The following ZFHX3 variants were observed in gnomAD, a reference collection of about 807,000 sequenced individuals.
ZFHX3 encodes zinc finger homeobox protein 3.
Under a neutral mutation model 279.1 loss-of-function variants are expected in ZFHX3, and 42 were observed. The observed-to-expected ratio is 0.15, with a 90% CI of 0.12 to 0.19. The LOEUF (loss-of-function observed/expected upper bound fraction) is 0.19. Ranked by LOEUF, ZFHX3 falls within the 10% of genes least tolerant of loss-of-function variation. The pLI is 1.00. For synonymous variants in ZFHX3, 2,293 were observed against 1,957.8 expected (o/e 1.17, Z -4.52); for missense variants, 4,981 against 4,754.0 (o/e 1.05, Z -1.40).
chr16:73,717,905 A>C (rs1294380840), intron 1 of ZFHX3, among the ~76,000 whole-genome samples: 1 of 152,216 alleles, frequency 6.6e-6, no homozygotes, highest in Non-Finnish European at 1.5e-5. Flanking sequence ...GCTCTGGTGT[A>C]AAGAGCACAA....
chr16:73,114,764 G>C (rs1417120366), intron 7 of ZFHX3, among the ~76,000 whole-genome samples: 1 of 152,142 alleles, frequency 6.6e-6, no homozygotes, highest in Non-Finnish European at 1.5e-5. Flanking sequence ...CTTGTGAATG[G>C]CCAGCCTGTC....
At chr16:73,882,263 T>C (rs993068978) in intron 1 of ZFHX3, among the ~76,000 whole-genome samples, 2 of 152,066 alleles carry the variant, frequency 1.3e-5, no homozygotes, top group Non-Finnish European at 2.9e-5. Flanking sequence ...CTGAGGTTTA[T>C]TGCTTGGTAA....
chr16:73,571,418 T>A (rs9923212), intron 2 of ZFHX3, among the ~76,000 whole-genome samples: 11,126 of 152,234 alleles, frequency 0.073, 543 homozygotes, highest in African/African-American at 0.13. Context: ...TATTTTTAAA[T>A]CCTCTAAAAA....
chr16:73,741,596 C>A (rs1177680916), intron 1 of ZFHX3, among the ~76,000 whole-genome samples: 1 of 152,216 alleles, frequency 6.6e-6, no homozygotes, highest in Non-Finnish European at 1.5e-5. Flanking sequence ...TCTCTTTCAA[C>A]AGCCTTGGAC....
chr16:73,838,637 C>A (rs1961208646), intron 1 of ZFHX3, among the ~76,000 whole-genome samples: 1 of 152,002 alleles, frequency 6.6e-6, no homozygotes, highest in African/African-American at 2.4e-5. Context: ...CTTTTTCAAC[C>A]CCATTGAAAA....
intron 2 of ZFHX3, among the ~76,000 whole-genome samples, chr16:73,548,995 A>T (rs964676702): frequency 2.0e-5 from 3 of 152,156 alleles, no homozygotes; most frequent in African/African-American, 4.8e-5. Flanking sequence ...TTTTTCTTTT[A>T]AAAAAATGTA....
intron 3 of ZFHX3, among the ~76,000 whole-genome samples, chr16:72,900,209 G>A (rs1294516883): frequency 6.6e-6 from 1 of 151,208 alleles, no homozygotes; most frequent in Admixed American, 6.6e-5. Flanking sequence ...GTAATAAAAT[G>A]CAAGGACCAC....
In ZFHX3 at chr16:73,340,605, G is replaced by C. The variant is rs571095757; in HGVS notation, c.-1290-22269C>G. ...TGCCTAGGCTGGCCTTGAACTCCTG[G>C]GCACAAGTAACACTCTCACTTCGGC... On this transcript the variant is annotated intron_variant, in intron 3 of 17. Coordinates refer to the ZFHX3 transcript ENST00000641206. 1.9e-4 allele frequency among the ~76,000 whole-genome samples: 29 copies of C among 152,248 alleles called. No individual in the cohort carries two copies. In the South Asian group the frequency reaches 6.0e-3, roughly 32 times the overall value.
chr16:72,998,613 G>A (rs1355965662), intron 1 of ZFHX3, among the ~76,000 whole-genome samples: 4 of 152,168 alleles, frequency 2.6e-5, no homozygotes, highest in Non-Finnish European at 4.4e-5. Context: ...CACATTTCGG[G>A]TGCTTAGGGG....
intron 1 of ZFHX3, among the ~76,000 whole-genome samples, chr16:73,732,303 CA>C (rs1421588402): frequency 6.6e-6 from 1 of 152,186 alleles, no homozygotes; most frequent in African/African-American, 2.4e-5. Flanking sequence ...AAGGTTTCAC[CA>C]AAGGCCTAAT....
At chr16:73,261,823 G>A (rs1733658844) in intron 4 of ZFHX3, among the ~76,000 whole-genome samples, 4 of 151,980 alleles carry the variant, frequency 2.6e-5, no homozygotes, top group Non-Finnish European at 5.9e-5. Context: ...TTACAGGGAT[G>A]CACCACCACG....
At chr16:73,517,001 G>A (rs1456520029) in intron 2 of ZFHX3, among the ~76,000 whole-genome samples, 1 of 152,162 alleles carries the variant, frequency 6.6e-6, no homozygotes, top group Non-Finnish European at 1.5e-5. Flanking sequence ...TCAACACCGT[G>A]CACATTTAGG....
intron 1 of ZFHX3, among the ~76,000 whole-genome samples, chr16:73,778,336 T>A (rs963696234): frequency 7.2e-5 from 11 of 151,928 alleles, no homozygotes; most frequent in Non-Finnish European, 8.8e-5. Flanking sequence ...GGGCATTTAT[T>A]CATTTGATCA....
chr16:73,309,125 A>T (rs1412058278), intron 4 of ZFHX3, among the ~76,000 whole-genome samples: 1 of 152,102 alleles, frequency 6.6e-6, no homozygotes, highest in African/African-American at 2.4e-5. Context: ...CAGGTTTGTT[A>T]TATGGTAAAC....
intron 1 of ZFHX3, among the ~76,000 whole-genome samples, chr16:72,977,509 A>G (rs948041303): frequency 3.9e-5 from 6 of 152,076 alleles, no homozygotes; most frequent in African/African-American, 1.4e-4. Context: ...ACTAACATGA[A>G]CCACCTCTTA....
chr16:72,971,600 T>C (rs1381761473), intron 1 of ZFHX3, among the ~76,000 whole-genome samples: 2 of 152,158 alleles, frequency 1.3e-5, no homozygotes, highest in Non-Finnish European at 2.9e-5. Context: ...TTTCTGGAAG[T>C]AGAGTTGCTG....
At chr16:72,906,507 A>G (rs888670027) in intron 3 of ZFHX3, among the ~76,000 whole-genome samples, 54 of 152,246 alleles carry the variant, frequency 3.5e-4, no homozygotes, top group African/African-American at 1.3e-3. Flanking sequence ...ACTGCACCAA[A>G]AAAGCTGGCC....
intron 3 of ZFHX3, among the ~76,000 whole-genome samples, chr16:73,328,835 A>G (rs1211829883): frequency 6.6e-6 from 1 of 152,224 alleles, no homozygotes; most frequent in Non-Finnish European, 1.5e-5. Flanking sequence ...ATAGGTTGAA[A>G]GCAAATATAA....
At chr16:73,247,068 T>C (rs987451335) in intron 5 of ZFHX3, among the ~76,000 whole-genome samples, 3 of 152,130 alleles carry the variant, frequency 2.0e-5, no homozygotes, top group African/African-American at 7.2e-5. Context: ...TACCTGTATG[T>C]GGAGTGTATG....
Sources: gnomAD v4.1 joint callset for allele counts (sites outside exome capture counted in the v4.1 genomes callset) on GRCh38, gnomAD v4.1.1 for gene constraint, MANE v1.5 for transcripts, NCBI Gene and HGNC (gene_info 2026-07-23, HGNC 2026-07-21) for gene names.